Variants in TBC1D23 observed in about 807,000 individuals in gnomAD.
The protein encoded by TBC1D23 is TBC1 domain family member 23, also known as HCV non-structural protein 4A-transactivated protein 1.
Under a neutral mutation model 91.4 loss-of-function variants are expected in TBC1D23, and 55 were observed. The ratio of observed to expected loss-of-function variants is 0.60; its 90% CI spans 0.48 to 0.75. TBC1D23 has a LOEUF of 0.75. Among genes scored for constraint, TBC1D23 ranks in the 30% least tolerant of loss-of-function variants. TBC1D23 has a pLI of 0.00. For synonymous variants in TBC1D23, 289 were observed against 281.0 expected, an observed-to-expected ratio of 1.03 and a Z score of -0.28; for missense variants, 725 against 836.1, an observed-to-expected ratio of 0.87 and a Z score of 1.64.
intron 10 of TBC1D23, 128 bp from the exon 11 acceptor site, chr3:100,301,939 C>T: frequency 1.6e-6 from 1 of 639,126 alleles, no homozygotes; most frequent in Non-Finnish European, 2.7e-6. Context: ...TTATAAGAGC[C>T]TTTTTTTCCC....
At chr3:100,312,851 A>C (rs1381772471) in intron 15 of TBC1D23, among the ~76,000 whole-genome samples, 2 of 151,904 alleles carry the variant, frequency 1.3e-5, no homozygotes, top group Non-Finnish European at 2.9e-5. Context: ...ATAATACTTC[A>C]CTCTCTAAGA....
chr3:100,277,350 T>G (rs538648511), intron 1 of TBC1D23, among the ~76,000 whole-genome samples: 1 of 152,368 alleles, frequency 6.6e-6, no homozygotes, highest in South Asian at 2.1e-4. Context: ...TTTAGGTTTG[T>G]AAGAAGTATC....
intron 13 of TBC1D23, among the ~76,000 whole-genome samples, chr3:100,307,961 A>G (rs1333702183): frequency 6.6e-6 from 1 of 152,226 alleles, no homozygotes; most frequent in Non-Finnish European, 1.5e-5. Flanking sequence ...TGGCTCTCCA[A>G]AAAACATTCT....
chr3:100,265,169 G>GGT (rs61271146), intron 1 of TBC1D23, among the ~76,000 whole-genome samples: 39,139 of 152,070 alleles, frequency 0.26, 5,426 homozygotes, highest in Non-Finnish European at 0.31. Context: ...ATAAAAGGCA[G>GGT]GTGTCTCAGT....
intron 18 of TBC1D23, 35 bp from the exon 19 acceptor site, chr3:100,323,552 T>C (rs890998998): frequency 1.0e-6 from 1 of 989,832 alleles, no homozygotes; most frequent in Non-Finnish European, 1.4e-6. Flanking sequence ...TATGTATATA[T>C]ATATGTATAT....
intron 4 of TBC1D23, among the ~76,000 whole-genome samples, chr3:100,285,265 C>T (rs1402972991): frequency 6.6e-6 from 1 of 152,122 alleles, no homozygotes; most frequent in Non-Finnish European, 1.5e-5. Flanking sequence ...AATCCCCTTC[C>T]CGTTAGTGGT....
chr3:100,267,920 C>G (rs796863180), intron 1 of TBC1D23, among the ~76,000 whole-genome samples: 4 of 152,286 alleles, frequency 2.6e-5, no homozygotes, highest in African/African-American at 9.6e-5. Flanking sequence ...CCTATAATCC[C>G]ATCACTTGGG....
chr3:100,290,560 G>A lies in TBC1D23; in HGVS notation c.477-18G>A. The A allele has an allele frequency of 6.2e-7, 1 of 1,610,902 alleles. No individual in the cohort carries two copies. Among genetic ancestry groups the A allele is most frequent in the Non-Finnish European group, 8.5e-7 (1 of 1,178,802 alleles). ...TGATCTGTTAATGCAAAAAAATTTT[G>A]CTTCTCTTGTCTTCTAGGGATTGTT... On this transcript the variant is annotated intron_variant, in intron 4 of 18. Transcript: ENST00000394144.
chr3:100,301,058 T>G (rs1435427727), intron 10 of TBC1D23, among the ~76,000 whole-genome samples: 1 of 152,206 alleles, frequency 6.6e-6, no homozygotes, highest in African/African-American at 2.4e-5. Flanking sequence ...TGACATCTTT[T>G]TATACATTTT....
intron 12 of TBC1D23, 136 bp from the exon 13 acceptor site, chr3:100,306,301 G>A (rs538198819): frequency 3.4e-6 from 2 of 589,268 alleles, no homozygotes; most frequent in East Asian, 2.9e-5. Context: ...CAGACGTGCA[G>A]AAAGAAATAC....
At chr3:100,280,138 G>A (rs1388934330) in intron 2 of TBC1D23, among the ~76,000 whole-genome samples, 1 of 151,938 alleles carries the variant, frequency 6.6e-6, no homozygotes, top group East Asian at 1.9e-4. Flanking sequence ...GCCGAGGCAA[G>A]AGAATCGCTT....
intron 13 of TBC1D23, among the ~76,000 whole-genome samples, chr3:100,307,970 C>G (rs1035020144): frequency 1.3e-5 from 2 of 152,160 alleles, no homozygotes; most frequent in Non-Finnish European, 2.9e-5. Flanking sequence ...AAAAAACATT[C>G]TAATTTATAT....
At position 100,288,885 on chromosome 3, in the gene TBC1D23, T is replaced by C. The variant is rs140565818; in HGVS notation, c.477-1693T>C. On this transcript the variant is annotated intron_variant, in intron 4 of 18. Transcript: ENST00000394144. Reference sequence around the variant, plus strand: ...TGTCTGGAATTAACTGTGTTTTCAGTATTGCTTTTTGTTTTTAACTGTACG... The same window carrying C: ...TGTCTGGAATTAACTGTGTTTTCAGCATTGCTTTTTGTTTTTAACTGTACG... 4.7e-3 allele frequency among the ~76,000 whole-genome samples: 711 copies of C among 152,350 alleles called. 2 individuals are homozygous for C. The highest frequency in any genetic ancestry group is 6.4e-3 in the Non-Finnish European group (432 of 68,024).
intron 4 of TBC1D23, among the ~76,000 whole-genome samples, chr3:100,286,185 C>T (rs1249996500): frequency 6.6e-6 from 1 of 152,154 alleles, no homozygotes; most frequent in East Asian, 1.9e-4. Context: ...ATTTAGGAGT[C>T]ATTTTGTTGT....
At chr3:100,292,622 G>A (rs560259263) in intron 5 of TBC1D23, among the ~76,000 whole-genome samples, 25 of 152,094 alleles carry the variant, frequency 1.6e-4, no homozygotes, top group Middle Eastern at 3.4e-3. Flanking sequence ...TTTTTGAGAC[G>A]AGGTCTTGCT....
intron 1 of TBC1D23, among the ~76,000 whole-genome samples, chr3:100,264,052 C>T (rs1267756430): frequency 6.6e-6 from 1 of 152,140 alleles, no homozygotes; most frequent in Non-Finnish European, 1.5e-5. Flanking sequence ...CTCATCAGCC[C>T]CCCAGAAGAG....
In TBC1D23 at chr3:100,281,862, C is replaced by G. The variant is rs563193915; in HGVS notation, c.271+15C>G. 1 of 1,502,138 alleles carries G rather than the reference C, an allele frequency of 6.7e-7. No individual in the cohort carries two copies. The highest frequency in any genetic ancestry group is 1.4e-5 in the African/African-American group (1 of 72,320). The allele number at this position is 1,502,138 out of a possible 1,614,324, so 93.1% of individuals were successfully genotyped here. A position where few individuals can be genotyped will look rare whatever the true frequency, so the allele number is the denominator to read the frequency against. ...GCAGTTTATTGGTAAGCTGAATAAT[C>G]ACTTTCAAGCAGAGTTAAATTTTGG... On this transcript the variant is annotated intron_variant, in intron 3 of 18. Coordinates refer to ENST00000394144, the MANE Select transcript of TBC1D23 (RefSeq NM_001199198.3).
At chr3:100,285,448 A>G (rs745621445) in intron 4 of TBC1D23, among the ~76,000 whole-genome samples, 1 of 152,154 alleles carries the variant, frequency 6.6e-6, no homozygotes, top group Admixed American at 6.5e-5. Flanking sequence ...TTTTTATTGT[A>G]TGCGTATACC....
chr3:100,307,356 C>G (rs1317877157), intron 13 of TBC1D23, among the ~76,000 whole-genome samples: 1 of 152,168 alleles, frequency 6.6e-6, no homozygotes, highest in Admixed American at 6.6e-5. Flanking sequence ...TCTGACATAC[C>G]TGGGTTCAGA....
Sources: allele counts gnomAD v4.1 joint callset (sites outside exome capture counted in the v4.1 genomes callset), GRCh38; gene constraint gnomAD v4.1.1; transcripts MANE v1.5; gene names NCBI Gene and HGNC (gene_info 2026-07-23, HGNC 2026-07-21).